WSCD1: variants seen among roughly 807,000 people sequenced by gnomAD.
WSCD1 encodes WSC domain sialate O sulfotransferase 1.
Under a neutral mutation model 60.4 loss-of-function variants are expected in WSCD1, and 41 were observed. The ratio of observed to expected loss-of-function variants is 0.68; its 90% CI spans 0.53 to 0.88. The LOEUF (loss-of-function observed/expected upper bound fraction) is 0.88. Ranked by LOEUF, WSCD1 falls within the 40% of genes least tolerant of loss-of-function variation. The pLI is 0.00. For missense variants in WSCD1, 784 were observed against 796.2 expected (o/e 0.98, Z 0.18); for synonymous variants, 361 against 332.5 (o/e 1.09, Z -0.93).
upstream of WSCD1, chr17:6,069,416 TGTGTGTGTGTGTGAGAGA>T (rs1567546207): frequency 2.8e-5 from 9 of 327,026 alleles, no homozygotes; most frequent in African/African-American, 1.3e-4. Context: ...TGTGTGTGTG[TGTGTGTGTGTGTGAGAGA>T]GAGAGAGAGA....
intron 7 of WSCD1, among the ~76,000 whole-genome samples, chr17:6,112,708 T>A (rs1399919601): frequency 6.6e-6 from 1 of 152,046 alleles, no homozygotes; most frequent in African/African-American, 2.4e-5. Flanking sequence ...TTTAAATAGC[T>A]ATGAAAAAAT....
intron 3 of WSCD1, among the ~76,000 whole-genome samples, chr17:6,090,013 C>T (rs565276171): frequency 6.6e-6 from 1 of 152,154 alleles, no homozygotes; most frequent in Non-Finnish European, 1.5e-5. Flanking sequence ...ACTCCAGACT[C>T]AGTTGCCATT....
At chr17:6,070,946 C>A (rs537758639) in intron 1 of WSCD1, among the ~76,000 whole-genome samples, 142 of 152,080 alleles carry the variant, frequency 9.3e-4, no homozygotes, top group South Asian at 7.9e-3. Flanking sequence ...AGCCGCGTCC[C>A]CCTCCGGAGT....
chr17:6,088,153 G>C (rs1416825563), intron 3 of WSCD1, 49 bp downstream of exon 3: 3 of 1,536,376 alleles, frequency 2.0e-6, no homozygotes, highest in Non-Finnish European at 2.7e-6. Flanking sequence ...GGAAGGTCCA[G>C]GGACAGTTCC....
At chr17:6,082,285 G>T (rs546833152) in intron 2 of WSCD1, among the ~76,000 whole-genome samples, 20 of 152,278 alleles carry the variant, frequency 1.3e-4, no homozygotes, top group East Asian at 1.9e-4. Flanking sequence ...GAACACTAGT[G>T]GGGGCGCGGG....
At chr17:6,086,250 C>CATATATATATATACATATATATAT (rs1909634436) in intron 2 of WSCD1, among the ~76,000 whole-genome samples, 4 of 98,234 alleles carry the variant, frequency 4.1e-5, no homozygotes, top group African/African-American at 1.7e-4. Flanking sequence ...GTCCTGACTT[C>CATATATATATATACATATATATAT]ATATATATAT....
chr17:6,082,950 G>A (rs750776604), intron 2 of WSCD1, among the ~76,000 whole-genome samples: 3 of 152,136 alleles, frequency 2.0e-5, no homozygotes, highest in Admixed American at 6.5e-5. Flanking sequence ...GGTTCATGTC[G>A]CTGTGGAAGG....
At chr17:6,072,111 G>T (rs1216316349) in intron 1 of WSCD1, among the ~76,000 whole-genome samples, 1 of 152,242 alleles carries the variant, frequency 6.6e-6, no homozygotes, top group East Asian at 1.9e-4. Flanking sequence ...TTCTTCTGGG[G>T]TGAGGGGATC....
chr17:6,091,920 G>A (rs1395399859), intron 4 of WSCD1, among the ~76,000 whole-genome samples: 2 of 152,202 alleles, frequency 1.3e-5, no homozygotes, highest in African/African-American at 2.4e-5. Context: ...ACTTTGGGAG[G>A]CCAAGGCGGG....
rs761656169 is a variant in WSCD1 at position 6,096,373 on chromosome 17, AC to A, written c.849+1157del. Reference sequence around the variant, plus strand: ...GAGCAGCACAGCCATCCTCTGCTGCACCCCCCCACTCCCGCTCTCCCTGCTT... The same window carrying A: ...GAGCAGCACAGCCATCCTCTGCTGCACCCCCCACTCCCGCTCTCCCTGCTT... On this transcript the variant is annotated intron_variant, in intron 5 of 8. Transcript: ENST00000317744. Among the ~76,000 whole-genome samples, 4 of 150,072 alleles carry A rather than the reference AC, an allele frequency of 2.7e-5. No homozygotes were observed. The South Asian group carries it at 6.4e-4, about 24-fold the overall frequency.
upstream of WSCD1, among the ~76,000 whole-genome samples, chr17:6,070,036 C>T (rs1908426828): frequency 6.6e-6 from 1 of 151,448 alleles, no homozygotes; most frequent in Admixed American, 6.6e-5. Flanking sequence ...TGGCGGCGTG[C>T]TCTCCTCTGC....
upstream of WSCD1, among the ~76,000 whole-genome samples, chr17:6,069,804 T>TGC (rs1179751299): frequency 1.1e-4 from 14 of 122,932 alleles, no homozygotes; most frequent in Admixed American, 8.7e-4. Context: ...TGTGTGTGCG[T>TGC]GCGTGTGTGG....
intron 3 of WSCD1, among the ~76,000 whole-genome samples, chr17:6,089,098 A>C (rs1001488853): frequency 2.6e-5 from 4 of 152,224 alleles, no homozygotes; most frequent in Non-Finnish European, 4.4e-5. Flanking sequence ...TTGTTATGTC[A>C]CATAAATTCT....
At chr17:6,090,555 CT>C in intron 4 of WSCD1, 50 bp downstream of exon 4, 1 of 1,591,226 alleles carries the variant, frequency 6.3e-7, no homozygotes, top group Non-Finnish European at 8.5e-7. Context: ...CCCACCCGCT[CT>C]GGCTGCCCAT....
Position 6,120,911 on chromosome 17 carries a change from A to C in WSCD1, c.*250A>C. ...GACACTCAGACACCACTCCAGGCTC[A>C]TAGCCCCGTCTTGATGCAGAGAAGC... On this transcript the variant is annotated 3_prime_UTR_variant, in exon 9 of 9. Transcript: ENST00000317744. 5 of 536,668 alleles carry C rather than the reference A, an allele frequency of 9.3e-6. No individual in the cohort carries two copies. Among genetic ancestry groups the C allele is most frequent in the Non-Finnish European group, 1.3e-5 (4 of 301,602 alleles). 33.2% of individuals were successfully genotyped at this position (536,668 alleles called of 1,614,324 possible).
intron 5 of WSCD1, among the ~76,000 whole-genome samples, chr17:6,104,650 T>C (rs542405359): frequency 1.1e-4 from 17 of 152,364 alleles, no homozygotes; most frequent in Admixed American, 2.6e-4. Flanking sequence ...CTTTCCTTTT[T>C]GTACCTTGAA....
intron 5 of WSCD1, among the ~76,000 whole-genome samples, chr17:6,097,256 G>T (rs1268313120): frequency 2.0e-5 from 3 of 152,288 alleles, no homozygotes; most frequent in African/African-American, 7.2e-5. Flanking sequence ...GGCCATTGTG[G>T]CCATGAGCCA....
At chr17:6,104,733 G>A (rs1910990899) in intron 5 of WSCD1, among the ~76,000 whole-genome samples, 1 of 152,138 alleles carries the variant, frequency 6.6e-6, no homozygotes, top group Admixed American at 6.5e-5. Flanking sequence ...CCTCCATATT[G>A]GTTTGCAGAT....
chr17:6,107,416 G>A lies in WSCD1; in HGVS notation c.850-2191G>A, dbSNP rs531090681. Among the ~76,000 whole-genome samples, 32 of 152,070 alleles carry A rather than the reference G, an allele frequency of 2.1e-4. 2 individuals carry two copies. Among genetic ancestry groups the A allele is most frequent in the African/African-American group, 6.3e-4 (26 of 41,460 alleles). On this transcript the variant is annotated intron_variant, in intron 5 of 8. Coordinates refer to ENST00000317744, the MANE Select transcript of WSCD1 (RefSeq NM_015253.2). The stretch of plus-strand genomic sequence containing the variant: ...TTCAGGAGGCTGAGGTAGGACAATC[G>A]CTTGAACCCGGGAGGCAGAGGTTGC...
Sources: allele counts gnomAD v4.1 joint callset (sites outside exome capture counted in the v4.1 genomes callset), GRCh38; gene constraint gnomAD v4.1.1; transcripts MANE v1.5; gene names NCBI Gene and HGNC (gene_info 2026-07-23, HGNC 2026-07-21).